ALDH18A1: variants seen among roughly 807,000 people sequenced by gnomAD.
ALDH18A1 encodes the protein delta-1-pyrroline-5-carboxylate synthase.
In ALDH18A1, 44 loss-of-function variants were observed where a neutral mutation model predicts 88.8. That is an observed-to-expected ratio of 0.50 (90% CI 0.39 to 0.64). The LOEUF (loss-of-function observed/expected upper bound fraction) is 0.64, where lower values mean the gene tolerates loss of function less well. Among genes scored for constraint, ALDH18A1 ranks in the 30% least tolerant of loss-of-function variants. ALDH18A1 has a pLI of 0.00. For missense variants in ALDH18A1, 782 were observed against 1,009.5 expected (o/e 0.77, Z 3.05); for synonymous variants, 331 against 372.1 (o/e 0.89, Z 1.27).
chr10:95,620,889 T>C (rs907916267), intron 12 of ALDH18A1, 142 bp downstream of exon 12: 4 of 794,722 alleles, frequency 5.0e-6, no homozygotes, highest in Non-Finnish European at 8.0e-6. Context: ...TGTATACCTA[T>C]GTAACAAACC....
At chr10:95,607,337 C>T (rs2097824648) in intron 17 of ALDH18A1, among the ~76,000 whole-genome samples, 1 of 152,182 alleles carries the variant, frequency 6.6e-6, no homozygotes, top group Non-Finnish European at 1.5e-5. Context: ...CTCTTTAAAT[C>T]TTAGAAAGAA....
At chr10:95,630,388 C>T (rs1447120919) in intron 7 of ALDH18A1, among the ~76,000 whole-genome samples, 1 of 152,234 alleles carries the variant, frequency 6.6e-6, no homozygotes, top group African/African-American at 2.4e-5. Context: ...GCACCTAGCA[C>T]ACTATGTGCT....
At chr10:95,642,857 T>C (rs1257871477) in intron 3 of ALDH18A1, 135 bp downstream of exon 3, 2 of 974,502 alleles carry the variant, frequency 2.1e-6, no homozygotes, top group East Asian at 5.2e-5. Flanking sequence ...TGGGAAACAG[T>C]TTTCACATTG....
chr10:95,612,877 T>C (rs887999271), intron 15 of ALDH18A1, among the ~76,000 whole-genome samples: 6 of 152,202 alleles, frequency 3.9e-5, no homozygotes, highest in Non-Finnish European at 8.8e-5. Flanking sequence ...TTGTAATCCA[T>C]GGAGTACAGT....
In ALDH18A1 at chr10:95,633,500, C is replaced by T. The variant is rs775590597; in HGVS notation, c.708G>A (p.Gln236=). The part of the protein sequence containing the change: ...VPPAEPNSDL[Q]GVNVISVKDN... ...GAAATACTTTACCCACATTTACCCC[C>T]TGCAGGTCACTGTTGGGCTCAGCTG... Residue 236 remains glutamine (Q), a synonymous_variant, in exon 6 of 18, where the codon CAG becomes CAA. Coordinates refer to ENST00000371224, the MANE Select transcript of ALDH18A1 (RefSeq NM_002860.4). 9 of 1,614,148 alleles carry T rather than the reference C, an allele frequency of 5.6e-6. No homozygotes were observed. Among genetic ancestry groups the T allele is most frequent in the Non-Finnish European group, 6.8e-6 (8 of 1,180,022 alleles).
chr10:95,654,322 G>A (rs2097914713), intron 1 of ALDH18A1, among the ~76,000 whole-genome samples: 1 of 151,916 alleles, frequency 6.6e-6, no homozygotes, highest in African/African-American at 2.4e-5. Context: ...GCGCTACCAT[G>A]CCTGGCTAAT....
intron 2 of ALDH18A1, 57 bp from the exon 3 acceptor site, chr10:95,643,263 A>G (rs2097895380): frequency 3.9e-6 from 6 of 1,542,524 alleles, no homozygotes; most frequent in Middle Eastern, 1.9e-4. Flanking sequence ...TAGTTTTTCA[A>G]TAAAAATATA....
chr10:95,625,639 C>T (rs1451154354), intron 10 of ALDH18A1, among the ~76,000 whole-genome samples, 184 bp from the exon 11 acceptor site: 3 of 152,092 alleles, frequency 2.0e-5, no homozygotes, highest in Non-Finnish European at 2.9e-5. Context: ...TTTCTTCCTT[C>T]CTCTCTCACT....
chr10:95,623,597 C>G (rs2097856270), intron 11 of ALDH18A1, among the ~76,000 whole-genome samples: 1 of 151,216 alleles, frequency 6.6e-6, no homozygotes, highest in South Asian at 2.1e-4. Flanking sequence ...TGGAGTTTTG[C>G]TCTTGTTGTC....
chr10:95,652,534 G>A (rs972611645), intron 2 of ALDH18A1, among the ~76,000 whole-genome samples: 9 of 152,010 alleles, frequency 5.9e-5, no homozygotes, highest in Admixed American at 3.3e-4. Flanking sequence ...TCAGGAGTTC[G>A]AGACCAGCCT....
intron 9 of ALDH18A1, 130 bp from the exon 10 acceptor site, chr10:95,626,906 T>C (rs1245267657): frequency 1.1e-5 from 10 of 908,224 alleles, no homozygotes; most frequent in Non-Finnish European, 1.8e-5. Context: ...GATGTCTTGG[T>C]ATGCTTGTTT....
chr10:95,623,259 CTTAA>C (rs1475544631), intron 11 of ALDH18A1, among the ~76,000 whole-genome samples: 2 of 152,156 alleles, frequency 1.3e-5, no homozygotes, highest in Admixed American at 6.5e-5. Context: ...CAAAAATTAT[CTTAA>C]TTACTACTAA....
chr10:95,654,528 G>A (rs2097915016), intron 1 of ALDH18A1, among the ~76,000 whole-genome samples: 1 of 151,854 alleles, frequency 6.6e-6, no homozygotes, highest in Non-Finnish European at 1.5e-5. Context: ...TTTGTTCCAT[G>A]GATTGGTGGA....
In ALDH18A1 at chr10:95,625,309, C is replaced by G. The variant is rs374268247; in HGVS notation, c.1246+53G>C. On this transcript the variant is annotated intron_variant, in intron 11 of 17. Transcript: ENST00000371224. ...AAGAATTATTAGTAAAACTAAAAAC[C>G]AAAATAATGCACACCCCTCCACAAC... is the stretch of plus-strand genomic sequence containing the variant. 13 of 1,509,464 alleles carry G rather than the reference C, an allele frequency of 8.6e-6. No individual in the cohort carries two copies. In the African/African-American group the frequency reaches 1.5e-4, roughly 18 times the overall value. The allele number at this position is 1,509,464 out of a possible 1,614,324, so 93.5% of individuals were successfully genotyped here.
At chr10:95,631,567 A>G (rs1252467863) in intron 7 of ALDH18A1, among the ~76,000 whole-genome samples, 1 of 151,878 alleles carries the variant, frequency 6.6e-6, no homozygotes, top group Non-Finnish European at 1.5e-5. Context: ...AAATGGTGAA[A>G]CCCCATCTCT....
At chr10:95,623,469 G>A (rs1477942962) in intron 11 of ALDH18A1, among the ~76,000 whole-genome samples, 3 of 151,790 alleles carry the variant, frequency 2.0e-5, no homozygotes, top group Non-Finnish European at 4.4e-5. Context: ...GTGCAGTAGC[G>A]CAATCTCGGC....
chr10:95,618,067 A>G (rs948058035), intron 12 of ALDH18A1, among the ~76,000 whole-genome samples: 3 of 152,108 alleles, frequency 2.0e-5, no homozygotes, highest in African/African-American at 7.2e-5. Flanking sequence ...TATAGTAAAG[A>G]GGTGCTAGTT....
chr10:95,611,506 A>T, intron 15 of ALDH18A1, 64 bp from the exon 16 acceptor site: 1 of 1,580,710 alleles, frequency 6.3e-7, no homozygotes, highest in South Asian at 1.1e-5. Flanking sequence ...GTTCTAGGAT[A>T]GAACAGAAAG....
intron 2 of ALDH18A1, among the ~76,000 whole-genome samples, chr10:95,650,075 A>T (rs960424481): frequency 6.6e-6 from 1 of 152,046 alleles, no homozygotes; most frequent in African/African-American, 2.4e-5. Context: ...AGAAAACAAA[A>T]AAAAAATGGA....
Sources: allele counts gnomAD v4.1 joint callset (sites outside exome capture counted in the v4.1 genomes callset), GRCh38; gene constraint gnomAD v4.1.1; transcripts MANE v1.5; gene names NCBI Gene and HGNC (gene_info 2026-07-23, HGNC 2026-07-21).